The following USP13 variants were observed in gnomAD, a reference collection of about 807,000 sequenced individuals.
USP13 encodes ubiquitin specific peptidase 13, also known as ubiquitin carboxyl-terminal hydrolase 13.
A neutral mutation model predicts 107.8 loss-of-function variants in USP13; 68 were observed. That is an observed-to-expected ratio of 0.63 (90% CI 0.52 to 0.77). The LOEUF is 0.77. Ranked by LOEUF, USP13 falls within the 30% of genes least tolerant of loss-of-function variation. USP13 has a pLI of 0.00. For missense variants in USP13, 945 were observed against 1,093.3 expected (o/e 0.86, Z 1.91); for synonymous variants, 377 against 389.5 (o/e 0.97, Z 0.38).
In USP13 at chr3:179,788,822, G is replaced by A. The variant is rs1715981793; in HGVS notation, c.*4681G>A. 6.6e-6 allele frequency: 1 copy of A among 152,134 alleles called. No homozygotes were observed. Among genetic ancestry groups the A allele is most frequent in the Non-Finnish European group, 1.5e-5 (1 of 68,008 alleles). The allele number at this position is 152,134 out of a possible 1,614,324, so 9.4% of individuals were successfully genotyped here. A position where few individuals can be genotyped will look rare whatever the true frequency, so the allele number is the denominator to read the frequency against. ...CGCAATTCTGCAAAGTATCTAAATA[G>A]ACAGAAACAACACAAATATTTTTGC... is the stretch of plus-strand genomic sequence containing the variant. On this transcript the variant is annotated 3_prime_UTR_variant, in exon 21 of 21. Transcript: ENST00000263966.
Position 179,745,143 on chromosome 3 carries a change from T to G in USP13, c.1635T>G (p.Leu545=). ...VRAKIPFSAC[L]QAFSEPENVD... The stretch of plus-strand genomic sequence containing the variant: ...CCAAGATACCATTTAGTGCCTGCCT[T>G]CAGGCCTTCTCTGAACCAGAAAATG... The change falls in exon 13 of 21, where the codon CTT becomes CTG. Residue 545 remains leucine, a synonymous_variant. Coordinates refer to ENST00000263966, the MANE Select transcript of USP13 (RefSeq NM_003940.3). The G allele has an allele frequency of 6.2e-7, 1 of 1,614,166 alleles. No individual in the cohort carries two copies. Among genetic ancestry groups the G allele is most frequent in the South Asian group, 1.1e-5 (1 of 91,074 alleles).
In USP13 at chr3:179,764,105, C is replaced by T. The variant is rs76353089; in HGVS notation, c.2196C>T (p.Ile732=). Residue 732 remains isoleucine, a synonymous_variant, in exon 18 of 21, where the codon ATC becomes ATT. Coordinates refer to ENST00000263966, the MANE Select transcript of USP13 (RefSeq NM_003940.3). Reference sequence around the variant, plus strand: ...TGGATAACCAACCTCCAGAGGAAATCGTAGCTATCATCACCTCCATGGGAT... The same window carrying T: ...TGGATAACCAACCTCCAGAGGAAATTGTAGCTATCATCACCTCCATGGGAT... The part of the protein sequence containing the change: ...SGLDNQPPEE[I]VAIITSMGFQ... 213 of 1,613,928 alleles carry T rather than the reference C, an allele frequency of 1.3e-4. 1 individual carries two copies. Among genetic ancestry groups the T allele is most frequent in the African/African-American group, 6.7e-4 (50 of 74,968 alleles).
Position 179,784,361 on chromosome 3 carries a change from A to T in USP13, c.*220A>T. 2.5e-6 allele frequency: 1 copy of T among 407,022 alleles called. No individual in the cohort carries two copies. The highest frequency in any genetic ancestry group is 4.4e-6 in the Non-Finnish European group (1 of 229,838). 25.2% of individuals were successfully genotyped at this position (407,022 alleles called of 1,614,324 possible). ...ATTATATTGTAGATAGTTTTTATAA[A>T]TGTTCAAAAAGATGATGATATTTAA... On this transcript the variant is annotated 3_prime_UTR_variant, in exon 21 of 21. Transcript: ENST00000263966.
chr3:179,752,833 TCTCTC>T (rs993932072), intron 14 of USP13, among the ~76,000 whole-genome samples: 25 of 152,304 alleles, frequency 1.6e-4, no homozygotes, highest in African/African-American at 6.0e-4. Flanking sequence ...CCTCATAGGA[TCTCTC>T]CTCTGCCTCT....
At chr3:179,728,288 TCTC>T in intron 8 of USP13, among the ~76,000 whole-genome samples, 1 of 117,384 alleles carries the variant, frequency 8.5e-6, no homozygotes, top group Non-Finnish European at 1.8e-5. Context: ...GGGCGGAGGG[TCTC>T]CTCACTTCTC....
At chr3:179,781,545 G>T (rs557044560) in intron 19 of USP13, among the ~76,000 whole-genome samples, 194 bp from the exon 20 acceptor site, 20 of 150,116 alleles carry the variant, frequency 1.3e-4, no homozygotes, top group Admixed American at 6.0e-4. Context: ...CCTATTTTTT[G>T]ATCACAAATT....
intron 12 of USP13, among the ~76,000 whole-genome samples, chr3:179,744,318 T>C (rs748433652): frequency 1.3e-4 from 20 of 152,076 alleles, no homozygotes; most frequent in Non-Finnish European, 1.2e-4. Context: ...GATCTGGCTC[T>C]TGCCAGGCGC....
Position 179,742,451 on chromosome 3 carries a change from A to G in USP13, c.1534+101A>G. The stretch of plus-strand genomic sequence containing the variant: ...AGTCACTGAAGTGTGTCAGGAGTAG[A>G]CCCAGCCCAGGTGATGTCTGCTTTG... On this transcript the variant is annotated intron_variant, in intron 12 of 20. Transcript: ENST00000263966. This position sits in a 1 kb window ranked among gnomAD's most constrained non-coding sequence, Gnocchi z 5.0. 6.9e-7 allele frequency: 1 copy of G among 1,456,202 alleles called. No homozygotes were observed. The highest frequency in any genetic ancestry group is 9.4e-7 in the Non-Finnish European group (1 of 1,066,064). The allele number at this position is 1,456,202 out of a possible 1,614,324, so 90.2% of individuals were successfully genotyped here.
At chr3:179,711,937 A>G (rs1010286556) in intron 6 of USP13, among the ~76,000 whole-genome samples, 10 of 152,218 alleles carry the variant, frequency 6.6e-5, no homozygotes, top group African/African-American at 2.2e-4. Context: ...TGGCAGCGCA[A>G]TAGGTTTGTT....
At chr3:179,732,168 G>A (rs1328257233) in intron 10 of USP13, among the ~76,000 whole-genome samples, 6 of 152,180 alleles carry the variant, frequency 3.9e-5, no homozygotes, top group Non-Finnish European at 8.8e-5. Context: ...ACCCAGCATT[G>A]TAAGATAGCA....
chr3:179,684,043 C>T (rs919848152), intron 2 of USP13, among the ~76,000 whole-genome samples: 5 of 151,884 alleles, frequency 3.3e-5, no homozygotes, highest in Non-Finnish European at 4.4e-5. Context: ...TCACTGCAAC[C>T]TCGGCCTCCT....
intron 12 of USP13, 126 bp from the exon 13 acceptor site, chr3:179,744,917 A>G: frequency 8.5e-7 from 1 of 1,178,174 alleles, no homozygotes. Context: ...TGGCTCTGTA[A>G]AGGGCGACAA....
chr3:179,660,084 A>T (rs1720413339), intron 1 of USP13, among the ~76,000 whole-genome samples: 1 of 152,176 alleles, frequency 6.6e-6, no homozygotes. Flanking sequence ...ATTTAATTGT[A>T]CAATTCAGTG....
intron 2 of USP13, among the ~76,000 whole-genome samples, chr3:179,689,443 G>A (rs561943364): frequency 6.6e-6 from 1 of 152,056 alleles, no homozygotes; most frequent in East Asian, 1.9e-4. Flanking sequence ...CAGATCACGA[G>A]GTCAGGAGTT....
At chr3:179,762,158 C>T (rs981233218) in intron 17 of USP13, among the ~76,000 whole-genome samples, 1 of 152,222 alleles carries the variant, frequency 6.6e-6, no homozygotes, top group Non-Finnish European at 1.5e-5. Flanking sequence ...CTGTTTTGGA[C>T]ATTTCATATA....
At chr3:179,696,497 A>C (rs904637250) in intron 3 of USP13, among the ~76,000 whole-genome samples, 1 of 151,806 alleles carries the variant, frequency 6.6e-6, no homozygotes, top group African/African-American at 2.4e-5. Context: ...CACCTGGCTA[A>C]TTTTTTTGTA....
chr3:179,718,173 T>C (rs533820421), intron 6 of USP13, among the ~76,000 whole-genome samples: 1 of 152,238 alleles, frequency 6.6e-6, no homozygotes, highest in South Asian at 2.1e-4. Context: ...AGCAAAGAAA[T>C]TGTGGGTTTT....
At chr3:179,768,701 A>C (rs576394495) in intron 19 of USP13, among the ~76,000 whole-genome samples, 1 of 152,202 alleles carries the variant, frequency 6.6e-6, no homozygotes, top group Admixed American at 6.5e-5. Context: ...TCAGCAAATA[A>C]CTGATTGAAT....
chr3:179,741,110 G>A (rs1346898406), intron 11 of USP13, among the ~76,000 whole-genome samples: 1 of 151,510 alleles, frequency 6.6e-6, no homozygotes, highest in Non-Finnish European at 1.5e-5. Flanking sequence ...TTACAACAGT[G>A]TTCTTTGTGG....
Sources: gnomAD v4.1 joint callset for allele counts (sites outside exome capture counted in the v4.1 genomes callset) on GRCh38, gnomAD v4.1.1 for gene constraint, Gnocchi (gnomAD v3.1) non-coding constraint, MANE v1.5 for transcripts, NCBI Gene and HGNC (gene_info 2026-07-23, HGNC 2026-07-21) for gene names.